CRADD: variants seen among roughly 807,000 people sequenced by gnomAD.
CRADD encodes CARD and death domain containing adaptor protein.
CRADD carries 9 observed loss-of-function variants against 15.5 expected under a neutral mutation model. The ratio of observed to expected loss-of-function variants is 0.58; its 90% confidence interval spans 0.35 to 1.01. The LOEUF (loss-of-function observed/expected upper bound fraction) is 1.01. Among genes scored for constraint, CRADD ranks in the 50% least tolerant of loss-of-function variants. The probability of loss-of-function intolerance (pLI) is 0.02; values close to 1 mark genes in which losing one functional copy is unlikely to be tolerated. For missense variants in CRADD, 227 were observed against 250.3 expected (o/e 0.91, Z 0.63); for synonymous variants, 118 against 107.6 (o/e 1.10, Z -0.60).
intron 2 of CRADD, among the ~76,000 whole-genome samples, chr12:93,709,827 A>G (rs1421695687): frequency 6.6e-6 from 1 of 152,180 alleles, no homozygotes; most frequent in Non-Finnish European, 1.5e-5. Flanking sequence ...TAGGTCTTTG[A>G]GCCATAGTAC....
chr12:93,871,682 C>A (rs1209981817), intron 2 of CRADD, among the ~76,000 whole-genome samples: 2 of 152,178 alleles, frequency 1.3e-5, no homozygotes, highest in East Asian at 3.8e-4. Context: ...CTTCCTGTGT[C>A]TGGCTTATTT....
At chr12:93,892,076 C>T (rs1958579906) in intron 2 of CRADD, among the ~76,000 whole-genome samples, 1 of 152,160 alleles carries the variant, frequency 6.6e-6, no homozygotes. Flanking sequence ...GAGAACAGAG[C>T]TCAGAGAGGT....
At chr12:93,718,313 ATTC>A (rs1431701533) in intron 2 of CRADD, among the ~76,000 whole-genome samples, 1 of 152,128 alleles carries the variant, frequency 6.6e-6, no homozygotes, top group African/African-American at 2.4e-5. Flanking sequence ...TGTTTATTCA[ATTC>A]TTCTTTGGTT....
chr12:93,716,926 T>C (rs547177042), intron 2 of CRADD, among the ~76,000 whole-genome samples: 1 of 152,332 alleles, frequency 6.6e-6, no homozygotes, highest in East Asian at 1.9e-4. Flanking sequence ...ATTTTAAGAA[T>C]ATGTTTAGTT....
intron 2 of CRADD, among the ~76,000 whole-genome samples, chr12:93,870,472 A>G (rs1565944864): frequency 6.6e-6 from 1 of 152,138 alleles, no homozygotes; most frequent in Non-Finnish European, 1.5e-5. Context: ...AGGGCAGGCT[A>G]CTGACATTTT....
At chr12:93,744,755 A>G (rs1956727183) in intron 2 of CRADD, among the ~76,000 whole-genome samples, 1 of 152,206 alleles carries the variant, frequency 6.6e-6, no homozygotes, top group Non-Finnish European at 1.5e-5. Context: ...TATTACTTAT[A>G]CATAATTCTA....
intron 2 of CRADD, among the ~76,000 whole-genome samples, chr12:93,729,045 G>A (rs546618388): frequency 6.6e-6 from 1 of 152,298 alleles, no homozygotes; most frequent in East Asian, 1.9e-4. Flanking sequence ...TCAAATTCAT[G>A]TAAATTTCCA....
exon 3 of CRADD, chr12:93,894,195 G>A (rs1413018562): frequency 8.6e-6 from 5 of 581,008 alleles, no homozygotes; most frequent in East Asian, 3.6e-5. Flanking sequence ...AATCAAGGGC[G>A]ATTTTGCCTT....
chr12:93,882,471 AC>A (rs1338502176), intron 2 of CRADD, among the ~76,000 whole-genome samples: 3 of 151,334 alleles, frequency 2.0e-5, no homozygotes, highest in African/African-American at 7.3e-5. Context: ...TATTATACAC[AC>A]ATACACACAC....
intron 2 of CRADD, among the ~76,000 whole-genome samples, chr12:93,686,821 C>T (rs77139894): frequency 0.015 from 2,352 of 152,192 alleles, 22 homozygotes; most frequent in Non-Finnish European, 0.025. Flanking sequence ...TTTTCTGCTG[C>T]GCAATCTTGG....
chr12:93,891,040 C>G (rs1349378703), intron 2 of CRADD, among the ~76,000 whole-genome samples: 1 of 151,874 alleles, frequency 6.6e-6, no homozygotes, highest in Admixed American at 6.5e-5. Context: ...TGAGCCACCA[C>G]GCCTAGCCCA....
chr12:93,755,221 A>G (rs992886756), intron 2 of CRADD, among the ~76,000 whole-genome samples: 2 of 152,126 alleles, frequency 1.3e-5, no homozygotes, highest in Non-Finnish European at 2.9e-5. Context: ...TGTGGGTATT[A>G]TGGGAGCTAC....
rs567461386 is a variant in CRADD at position 93,767,801 on chromosome 12, A to G, written c.299-82169A>G. 2.0e-5 allele frequency among the ~76,000 whole-genome samples: 3 copies of G among 152,362 alleles called. No individual in the cohort carries two copies. In the East Asian group the frequency reaches 5.8e-4, roughly 29 times the overall value. On this transcript the variant is annotated intron_variant, in intron 2 of 2. Transcript: ENST00000332896. ...TCAGCAGTATACCACAGAATGCTGT[A>G]AGCTTCTTATGACCTGAAAAGATGT...
intron 2 of CRADD, among the ~76,000 whole-genome samples, chr12:93,860,304 G>A (rs970053362): frequency 3.9e-5 from 6 of 152,204 alleles, no homozygotes; most frequent in Non-Finnish European, 8.8e-5. Flanking sequence ...AGGAAACACA[G>A]CTCCTTTTAC....
intron 2 of CRADD, among the ~76,000 whole-genome samples, chr12:93,821,541 G>A (rs1285109422): frequency 6.6e-6 from 1 of 152,210 alleles, no homozygotes; most frequent in African/African-American, 2.4e-5. Context: ...CCTTCCTGCT[G>A]TGACTGCTAG....
chr12:93,722,314 G>T (rs186452072), intron 2 of CRADD, among the ~76,000 whole-genome samples: 1 of 152,176 alleles, frequency 6.6e-6, no homozygotes, highest in East Asian at 1.9e-4. Flanking sequence ...GATAGCCTAG[G>T]TATAGTTTTT....
intron 2 of CRADD, among the ~76,000 whole-genome samples, chr12:93,761,742 A>C (rs964046395): frequency 2.0e-5 from 3 of 152,206 alleles, no homozygotes; most frequent in African/African-American, 7.2e-5. Context: ...TCACTGTGTG[A>C]CCAAATTGGT....
chr12:93,687,277 C>CTGCTA (rs1182144217), intron 2 of CRADD, among the ~76,000 whole-genome samples: 9 of 152,202 alleles, frequency 5.9e-5, no homozygotes, highest in African/African-American at 2.2e-4. Flanking sequence ...CTTAGAAATT[C>CTGCTA]TGGCTATGCC....
At chr12:93,709,910 TC>T (rs1176141224) in intron 2 of CRADD, among the ~76,000 whole-genome samples, 1 of 152,264 alleles carries the variant, frequency 6.6e-6, no homozygotes, top group Non-Finnish European at 1.5e-5. Context: ...AACTTGCCTT[TC>T]TTGAAAAATA....
Sources: gnomAD v4.1 joint callset for allele counts (sites outside exome capture counted in the v4.1 genomes callset) on GRCh38, gnomAD v4.1.1 for gene constraint, MANE v1.5 for transcripts, NCBI Gene and HGNC (gene_info 2026-07-23, HGNC 2026-07-21) for gene names.